The following NXPH1 variants were observed in gnomAD, a reference collection of about 807,000 sequenced individuals.
NXPH1 encodes the protein neurexophilin-1.
Under a neutral mutation model 23.7 loss-of-function variants are expected in NXPH1, and 5 were observed. The ratio of observed to expected loss-of-function variants is 0.21; its 90% confidence interval spans 0.11 to 0.44. NXPH1 has a LOEUF of 0.44. Among genes scored for constraint, NXPH1 ranks in the 20% least tolerant of loss-of-function variants. The pLI is 0.99. For missense variants in NXPH1, 324 were observed against 321.6 expected, an observed-to-expected ratio of 1.01 and a Z score of -0.06; for synonymous variants, 144 against 122.2, an observed-to-expected ratio of 1.18 and a Z score of -1.18.
intron 2 of NXPH1, among the ~76,000 whole-genome samples, chr7:8,592,010 A>G (rs10277502): frequency 6.6e-6 from 1 of 151,700 alleles, no homozygotes; most frequent in Non-Finnish European, 1.5e-5. Context: ...ATGGTGACAA[A>G]GACTGATTGT....
rs151056594 is a variant in NXPH1 at position 8,536,557 on chromosome 7, T to A, written c.54+100790T>A. On this transcript the variant is annotated intron_variant, in intron 2 of 2. Coordinates refer to ENST00000405863, the MANE Select transcript of NXPH1 (RefSeq NM_152745.3). ...GGGGTTCTTTGGGGAAAGTGCTTAA[T>A]AAGCTCAGCTATAAACTACAGAAAG... Among the ~76,000 whole-genome samples, 547 of 152,018 alleles carry A rather than the reference T, an allele frequency of 3.6e-3. 2 individuals are homozygous for A. The highest frequency in any genetic ancestry group is 0.012 in the African/African-American group (509 of 41,492).
chr7:8,569,186 G>A (rs1272385814), intron 2 of NXPH1, among the ~76,000 whole-genome samples: 5 of 151,702 alleles, frequency 3.3e-5, no homozygotes, highest in African/African-American at 1.2e-4. Flanking sequence ...TGAAAGTTTT[G>A]CAAAAATAAT....
At chr7:8,712,583 C>T (rs548966004) in intron 2 of NXPH1, among the ~76,000 whole-genome samples, 1 of 152,006 alleles carries the variant, frequency 6.6e-6, no homozygotes, top group Non-Finnish European at 1.5e-5. Context: ...ACAGACTAAG[C>T]ATTAAATGAA....
chr7:8,716,331 T>A (rs1416427476), intron 2 of NXPH1, among the ~76,000 whole-genome samples: 3 of 152,228 alleles, frequency 2.0e-5, no homozygotes, highest in African/African-American at 7.2e-5. Context: ...TAAAAAGTTC[T>A]AGGAAATGGA....
chr7:8,437,033 T>TGCC (rs1816207872), intron 2 of NXPH1, among the ~76,000 whole-genome samples: 1 of 152,216 alleles, frequency 6.6e-6, no homozygotes, highest in African/African-American at 2.4e-5. Context: ...CCCTCAATGT[T>TGCC]GCCTGTCTTT....
At chr7:8,709,274 T>G (rs1416303990) in intron 2 of NXPH1, among the ~76,000 whole-genome samples, 1 of 152,214 alleles carries the variant, frequency 6.6e-6, no homozygotes, top group East Asian at 1.9e-4. Context: ...TACCCTTTTA[T>G]TTGTTGATTT....
intron 2 of NXPH1, among the ~76,000 whole-genome samples, chr7:8,747,321 GGTTT>G (rs1380890698): frequency 2.0e-5 from 3 of 152,172 alleles, no homozygotes; most frequent in Non-Finnish European, 4.4e-5. Context: ...GAAAATCAGA[GGTTT>G]GTCTGTCAGA....
chr7:8,625,065 A>C (rs1179127123), intron 2 of NXPH1, among the ~76,000 whole-genome samples: 1 of 152,142 alleles, frequency 6.6e-6, no homozygotes, highest in African/African-American at 2.4e-5. Flanking sequence ...TCCATATTGT[A>C]GTGTCATTTT....
chr7:8,471,395 G>T (rs753361574), intron 2 of NXPH1, among the ~76,000 whole-genome samples: 3 of 152,124 alleles, frequency 2.0e-5, no homozygotes, highest in Non-Finnish European at 4.4e-5. Context: ...TTATAAAACT[G>T]ACCTTTAGTT....
intron 2 of NXPH1, among the ~76,000 whole-genome samples, chr7:8,470,005 A>C (rs551480121): frequency 6.6e-6 from 1 of 152,218 alleles, no homozygotes; most frequent in South Asian, 2.1e-4. Context: ...CTGACCTCCA[A>C]CTGTATCTTA....
At chr7:8,541,884 T>A (rs957019091) in intron 2 of NXPH1, among the ~76,000 whole-genome samples, 1 of 151,452 alleles carries the variant, frequency 6.6e-6, no homozygotes, top group East Asian at 1.9e-4. Context: ...GAGGATAAAA[T>A]GGAGTAACAA....
intron 2 of NXPH1, among the ~76,000 whole-genome samples, chr7:8,639,747 G>A (rs1279197962): frequency 6.6e-6 from 1 of 152,162 alleles, no homozygotes; most frequent in African/African-American, 2.4e-5. Context: ...TCTCATGATT[G>A]TGAATAAGTT....
In NXPH1 at chr7:8,634,614, A is replaced by T. The variant is rs909412739; in HGVS notation, c.55-116394A>T. 1.4e-5 allele frequency among the ~76,000 whole-genome samples: 2 copies of T among 143,278 alleles called. 1 individual carries two copies. The highest frequency in any genetic ancestry group is 4.8e-4 in the South Asian group (2 of 4,164). 94.0% of individuals were successfully genotyped at this position (143,278 alleles called of 152,430 possible). On this transcript the variant is annotated intron_variant, in intron 2 of 2. Coordinates refer to ENST00000405863, the MANE Select transcript of NXPH1 (RefSeq NM_152745.3). ...AAGCAAGAGGTATAAAATTCTTTGG[A>T]GTGAGTTCTTTCTTCTGCAGTTATC...
At chr7:8,593,124 T>C (rs771100375) in intron 2 of NXPH1, among the ~76,000 whole-genome samples, 5 of 151,896 alleles carry the variant, frequency 3.3e-5, no homozygotes, top group Non-Finnish European at 7.4e-5. Context: ...TTCTGGTGTA[T>C]AAATTTTAGT....
At chr7:8,575,654 C>T (rs985034666) in intron 2 of NXPH1, among the ~76,000 whole-genome samples, 1 of 152,066 alleles carries the variant, frequency 6.6e-6, no homozygotes, top group Non-Finnish European at 1.5e-5. Context: ...TCTGGATAGG[C>T]CTATGCACTT....
chr7:8,506,583 T>G (rs1563330593), intron 2 of NXPH1, among the ~76,000 whole-genome samples: 2 of 151,994 alleles, frequency 1.3e-5, no homozygotes, highest in African/African-American at 4.8e-5. Flanking sequence ...AGATAGCCAG[T>G]AGGGACAGTG....
rs552468672 is a variant in NXPH1 at position 8,652,584 on chromosome 7, C to A, written c.55-98424C>A. ...ATTACACACAATTTTTGAGCACCTACTATGTGCCAGCTCATATTTGAGGCA... is the reference window on the plus strand; with the variant it reads ...ATTACACACAATTTTTGAGCACCTAATATGTGCCAGCTCATATTTGAGGCA... On this transcript the variant is annotated intron_variant, in intron 2 of 2. Transcript: ENST00000405863. Among the ~76,000 whole-genome samples the A allele has an allele frequency of 2.0e-5, 3 of 152,262 alleles. No homozygotes were observed. The South Asian group carries it at 6.2e-4, about 32-fold the overall frequency.
At chr7:8,722,852 T>G (rs911097058) in intron 2 of NXPH1, among the ~76,000 whole-genome samples, 1 of 152,224 alleles carries the variant, frequency 6.6e-6, no homozygotes, top group East Asian at 1.9e-4. Context: ...CTCAGCTTTC[T>G]AAGTTATAAA....
chr7:8,746,024 G>A (rs1185167708), intron 2 of NXPH1, among the ~76,000 whole-genome samples: 1 of 152,042 alleles, frequency 6.6e-6, no homozygotes, highest in East Asian at 1.9e-4. Flanking sequence ...CATAGTGCTG[G>A]TTGCATCACA....
Sources: allele counts gnomAD v4.1 joint callset (sites outside exome capture counted in the v4.1 genomes callset), GRCh38; gene constraint gnomAD v4.1.1; transcripts MANE v1.5; gene names NCBI Gene and HGNC (gene_info 2026-07-23, HGNC 2026-07-21).